The following SLCO2A1 variants were observed in gnomAD, a reference collection of about 807,000 sequenced individuals.
SLCO2A1 encodes the protein matrin F/G 1.
In SLCO2A1, 60 loss-of-function variants were observed where a neutral mutation model predicts 71.7. The observed-to-expected ratio is 0.84, with a 90% confidence interval of 0.68 to 1.04. The LOEUF is 1.04. Among genes scored for constraint, SLCO2A1 ranks in the 50% least tolerant of loss-of-function variants. The pLI, the probability that SLCO2A1 is intolerant of heterozygous loss-of-function variation, is 0.00. For missense variants in SLCO2A1, 745 were observed against 813.4 expected, an observed-to-expected ratio of 0.92 and a Z score of 1.02; for synonymous variants, 308 against 326.7, an observed-to-expected ratio of 0.94 and a Z score of 0.62.
At chr3:134,018,458 A>AT (rs916544073) in intron 1 of SLCO2A1, among the ~76,000 whole-genome samples, 5 of 152,132 alleles carry the variant, frequency 3.3e-5, no homozygotes, top group Admixed American at 2.6e-4. Flanking sequence ...TTCTCCCCCC[A>AT]TTTTTTGGTC....
intron 3 of SLCO2A1, among the ~76,000 whole-genome samples, chr3:133,965,775 C>CCCA (rs1934151803): frequency 3.3e-5 from 2 of 60,524 alleles, no homozygotes; most frequent in Non-Finnish European, 7.6e-5. Context: ...ACTGGGCCCC[C>CCCA]AAAGGGCTGG....
chr3:133,945,007 T>C (rs1011695526), intron 10 of SLCO2A1, 88 bp downstream of exon 10: 41 of 1,457,108 alleles, frequency 2.8e-5, no homozygotes, highest in African/African-American at 9.9e-5. Flanking sequence ...CTGCCTATCC[T>C]GGAGCCGAGA....
chr3:133,969,385 G>A (rs1219416417), intron 3 of SLCO2A1, among the ~76,000 whole-genome samples: 1 of 152,072 alleles, frequency 6.6e-6, no homozygotes, highest in Non-Finnish European at 1.5e-5. Flanking sequence ...AGCCGAGATC[G>A]CACCACTTCA....
chr3:133,942,936 A>C (rs988411724), intron 10 of SLCO2A1, among the ~76,000 whole-genome samples, 168 bp from the exon 11 acceptor site: 33 of 152,270 alleles, frequency 2.2e-4, no homozygotes, highest in African/African-American at 7.9e-4. Context: ...TGAGGGTTTC[A>C]AGCTGCCCCA....
chr3:133,935,904 G>T lies in SLCO2A1; in HGVS notation c.1691-7C>A, dbSNP rs1385414699. The T allele has an allele frequency of 5.0e-6, 8 of 1,587,050 alleles. No homozygotes were observed. Among genetic ancestry groups the T allele is most frequent in the South Asian group, 2.3e-5 (2 of 86,264 alleles). ...GCTGGAGATGGCAGCCAGGCTGGAAGAGGGTTCAGAAAGCCCTGGTCAGGT... is the reference window on the plus strand; with the variant it reads ...GCTGGAGATGGCAGCCAGGCTGGAATAGGGTTCAGAAAGCCCTGGTCAGGT... On this transcript the variant is annotated splice_polypyrimidine_tract_variant and splice_region_variant and intron_variant, in intron 12 of 13. Transcript: ENST00000310926.
At chr3:134,002,992 C>T (rs562352291) in intron 1 of SLCO2A1, among the ~76,000 whole-genome samples, 5 of 152,326 alleles carry the variant, frequency 3.3e-5, no homozygotes, top group Non-Finnish European at 5.9e-5. Context: ...GAACTCCACA[C>T]GGAGGGTCTG....
intron 1 of SLCO2A1, among the ~76,000 whole-genome samples, chr3:133,982,939 T>G (rs373852910): frequency 1.6e-4 from 24 of 152,228 alleles, no homozygotes; most frequent in African/African-American, 4.8e-4. Context: ...TGAGGGGTGA[T>G]AGCCAAGATG....
intron 1 of SLCO2A1, among the ~76,000 whole-genome samples, chr3:134,019,575 A>G (rs566526868): frequency 1.3e-5 from 2 of 152,222 alleles, no homozygotes; most frequent in East Asian, 3.9e-4. Flanking sequence ...CCTTTTTCCT[A>G]TGCCTCATTC....
At chr3:134,006,211 T>C (rs1415346582) in intron 1 of SLCO2A1, among the ~76,000 whole-genome samples, 1 of 152,122 alleles carries the variant, frequency 6.6e-6, no homozygotes, top group East Asian at 1.9e-4. Context: ...AATTTTTTTA[T>C]TTCTATTTTT....
intron 8 of SLCO2A1, 28 bp downstream of exon 8, chr3:133,948,508 C>G: frequency 1.9e-6 from 3 of 1,597,738 alleles, no homozygotes; most frequent in Non-Finnish European, 2.6e-6. Flanking sequence ...GCAAGCCCTG[C>G]GGATCCTGCA....
chr3:134,010,895 G>A (rs1011451196), intron 1 of SLCO2A1, among the ~76,000 whole-genome samples: 2 of 152,134 alleles, frequency 1.3e-5, no homozygotes, highest in Non-Finnish European at 2.9e-5. Flanking sequence ...TTCATGATGA[G>A]ATCTGGGTGG....
intron 5 of SLCO2A1, among the ~76,000 whole-genome samples, chr3:133,951,688 G>A (rs1448482209): frequency 2.0e-5 from 3 of 152,184 alleles, no homozygotes; most frequent in Admixed American, 1.3e-4. Context: ...TCTAGACCAC[G>A]TGCTTTCCAT....
intron 1 of SLCO2A1, among the ~76,000 whole-genome samples, chr3:134,028,795 C>G (rs981647260): frequency 6.6e-6 from 1 of 152,236 alleles, no homozygotes. Context: ...CAGCTTTGGC[C>G]TCTCAGGAGG....
intron 1 of SLCO2A1, among the ~76,000 whole-genome samples, chr3:133,989,902 T>G (rs1172088924): frequency 2.0e-5 from 3 of 152,250 alleles, no homozygotes; most frequent in African/African-American, 4.8e-5. Flanking sequence ...TCAGTATTTT[T>G]ATTATCAGAT....
intron 1 of SLCO2A1, among the ~76,000 whole-genome samples, chr3:134,010,388 C>T (rs950859710): frequency 2.2e-4 from 34 of 152,082 alleles, no homozygotes; most frequent in African/African-American, 8.2e-4. Flanking sequence ...CTTCATAAGG[C>T]AGCAGGAGAG....
intron 1 of SLCO2A1, among the ~76,000 whole-genome samples, chr3:134,012,877 T>A (rs998421442): frequency 6.6e-6 from 1 of 152,176 alleles, no homozygotes; most frequent in Non-Finnish European, 1.5e-5. Flanking sequence ...AAGGTGCATG[T>A]TTGTTCTTGT....
rs1933411357 is a variant in SLCO2A1, at chr3:133,941,227, A to G, written c.1625+1378T>C. On this transcript the variant is annotated intron_variant, in intron 11 of 13. Coordinates refer to ENST00000310926, the MANE Select transcript of SLCO2A1 (RefSeq NM_005630.3). ...TGCATCTGCTCCTTCCTTTTCTCCT[A>G]GCCTTCTGGGGAAAATAGGTCACAG... Among the ~76,000 whole-genome samples the G allele has an allele frequency of 2.0e-5, 3 of 152,126 alleles. No homozygotes were observed. The South Asian group carries it at 6.2e-4, about 32-fold the overall frequency.
intron 1 of SLCO2A1, among the ~76,000 whole-genome samples, chr3:133,990,545 T>G (rs1934819012): frequency 6.6e-6 from 1 of 152,150 alleles, no homozygotes; most frequent in Non-Finnish European, 1.5e-5. Flanking sequence ...ACTACACTCA[T>G]GAGTCCCGAT....
Position 134,017,187 on chromosome 3 carries a change from T to C in SLCO2A1, c.96+12520A>G, listed in dbSNP as rs146851646. 2.9e-3 allele frequency among the ~76,000 whole-genome samples: 437 copies of C among 152,354 alleles called. 2 individuals are homozygous for C. The highest frequency in any genetic ancestry group is 9.9e-3 in the African/African-American group (411 of 41,590). On this transcript the variant is annotated intron_variant, in intron 1 of 13. Coordinates refer to ENST00000310926, the MANE Select transcript of SLCO2A1 (RefSeq NM_005630.3). Reference sequence around the variant, plus strand: ...GGCACAGAACTATACACACACTTGATAGCAATGTCAATGTTCTGCTTTTGA... The same window carrying C: ...GGCACAGAACTATACACACACTTGACAGCAATGTCAATGTTCTGCTTTTGA...
Sources: gnomAD v4.1 joint callset for allele counts (sites outside exome capture counted in the v4.1 genomes callset) on GRCh38, gnomAD v4.1.1 for gene constraint, MANE v1.5 for transcripts, NCBI Gene and HGNC (gene_info 2026-07-23, HGNC 2026-07-21) for gene names.